The following LRP2 variants were observed in gnomAD, a reference collection of about 807,000 sequenced individuals.
LRP2 encodes LDL receptor related protein 2, also known as low-density lipoprotein receptor-related protein 2.
A neutral mutation model predicts 531.0 loss-of-function variants in LRP2; 172 were observed. The ratio of observed to expected loss-of-function variants is 0.32; its 90% CI spans 0.29 to 0.37. LRP2 has a LOEUF of 0.37. Among genes scored for constraint, LRP2 ranks in the 10% least tolerant of loss-of-function variants. The probability of loss-of-function intolerance (pLI) is 1.00; values close to 1 mark genes in which losing one functional copy is unlikely to be tolerated. For missense variants in LRP2, 5,167 were observed against 5,868.3 expected (o/e 0.88, Z 3.90); for synonymous variants, 1,992 against 2,027.6 (o/e 0.98, Z 0.47).
rs1453561351 is a variant in LRP2, at chr2:169,150,846, T to A, written c.12590+52A>T. On this transcript the variant is annotated intron_variant, in intron 68 of 78. Coordinates refer to ENST00000649046, the MANE Select transcript of LRP2 (RefSeq NM_004525.3). Reference sequence around the variant, plus strand: ...AAATTATAAGAAACATGGAATTTGATGAGAATCCAGGGAGAAATATCTAGA... The same window carrying A: ...AAATTATAAGAAACATGGAATTTGAAGAGAATCCAGGGAGAAATATCTAGA... 5 of 1,609,928 alleles carry A rather than the reference T, an allele frequency of 3.1e-6. No individual in the cohort carries two copies. The African/African-American group carries it at 6.7e-5, about 22-fold the overall frequency.
At chr2:169,231,334 AAG>A in intron 31 of LRP2, among the ~76,000 whole-genome samples, 1 of 151,918 alleles carries the variant, frequency 6.6e-6, no homozygotes, top group East Asian at 1.9e-4. Context: ...AGAAAAAAAA[AAG>A]AGGGAGAAAG....
intron 32 of LRP2, among the ~76,000 whole-genome samples, chr2:169,225,944 T>G (rs1689186012): frequency 6.6e-6 from 1 of 152,222 alleles, no homozygotes; most frequent in South Asian, 2.1e-4. Context: ...TTCTAAAGGA[T>G]TCTAAAGGAA....
At chr2:169,188,343 C>G (rs1687707361) in intron 48 of LRP2, 78 bp from the exon 49 acceptor site, 1 of 1,372,656 alleles carries the variant, frequency 7.3e-7, no homozygotes, top group Middle Eastern at 2.4e-4. Context: ...GGTTTTGCTT[C>G]CTTCTTTATC....
At position 169,128,590 on chromosome 2, in the gene LRP2, C is replaced by A. The variant is rs944206819; in HGVS notation, c.*73G>T. ...TTTTTCATAAAGTACTGAATGTTAACTTTTTTCATCTGTTTGTAAAAAATA... is the reference window on the plus strand; with the variant it reads ...TTTTTCATAAAGTACTGAATGTTAAATTTTTTCATCTGTTTGTAAAAAATA... On this transcript the variant is annotated 3_prime_UTR_variant, in exon 79 of 79. Transcript: ENST00000649046. The A allele has an allele frequency of 6.8e-6, 10 of 1,471,786 alleles. No homozygotes were observed. The highest frequency in any genetic ancestry group is 9.5e-6 in the Non-Finnish European group (10 of 1,052,814). The allele number at this position is 1,471,786 out of a possible 1,614,324, so 91.2% of individuals were successfully genotyped here.
chr2:169,214,409 C>T (rs1688704857), intron 35 of LRP2, among the ~76,000 whole-genome samples: 1 of 152,096 alleles, frequency 6.6e-6, no homozygotes, highest in African/African-American at 2.4e-5. Flanking sequence ...AATAAAGTCC[C>T]TAAGGGAAAA....
intron 3 of LRP2, among the ~76,000 whole-genome samples, chr2:169,310,756 G>A (rs1032091331): frequency 5.9e-5 from 9 of 152,266 alleles, no homozygotes; most frequent in African/African-American, 2.2e-4. Flanking sequence ...CTTTTGATTG[G>A]AAAAGTTTCA....
At chr2:169,164,277 A>C (rs1686697101) in intron 62 of LRP2, among the ~76,000 whole-genome samples, 1 of 152,218 alleles carries the variant, frequency 6.6e-6, no homozygotes. Context: ...TCTCCCAACC[A>C]AGAGGAACCA....
intron 49 of LRP2, among the ~76,000 whole-genome samples, chr2:169,187,715 G>A (rs1328352681): frequency 6.6e-6 from 1 of 152,208 alleles, no homozygotes; most frequent in Non-Finnish European, 1.5e-5. Context: ...TGGCAATAAT[G>A]TTAAATGATG....
chr2:169,205,866 C>T (rs1475090155), intron 40 of LRP2, among the ~76,000 whole-genome samples, 157 bp downstream of exon 40: 2 of 152,112 alleles, frequency 1.3e-5, no homozygotes, highest in Non-Finnish European at 2.9e-5. Flanking sequence ...CTGCACCCTC[C>T]TTCCCACGTA....
In LRP2 at chr2:169,212,157, G is replaced by T. The variant is rs1361256917; in HGVS notation, c.6091C>A (p.Gln2031Lys). 2 of 1,614,038 alleles carry T rather than the reference G, an allele frequency of 1.2e-6. No homozygotes were observed. ...GCSNNMNACQ[Q>K]ICLPVPGGLF... ...CCTCCTGGTACAGGCAGGCAAATCT[G>T]CTGACAGGCATTCATGTTGTTGCTA... The change falls in exon 37 of 79, where the codon CAG becomes AAG. Residue 2031 changes from glutamine to lysine, a missense_variant. Around this residue, in one of 6 missense-constraint regions of LRP2, gnomAD observed 2,811 missense variants for 3,058.0 expected, o/e 0.92. Coordinates refer to ENST00000649046, the MANE Select transcript of LRP2 (RefSeq NM_004525.3).
Position 169,168,018 on chromosome 2 carries a change from A to AAAATATAT in LRP2, c.11635+520_11635+521insATATATTT, listed in dbSNP as rs1553488719. ...AGACTCACAAACAAGCAGGGTTTAA[A>AAAATATAT]ATATATATATATATATATATATATA... On this transcript the variant is annotated intron_variant, in intron 61 of 78. Transcript: ENST00000649046. Among the ~76,000 whole-genome samples the AAAATATAT allele has an allele frequency of 4.4e-5, 3 of 68,186 alleles. 1 individual carries two copies. The highest frequency in any genetic ancestry group is 8.8e-5 in the Non-Finnish European group (3 of 34,044). 44.7% of individuals were successfully genotyped at this position (68,186 alleles called of 152,430 possible).
chr2:169,241,247 C>T lies in LRP2; in HGVS notation c.3786G>A (p.Glu1262=), dbSNP rs746719150. ...GHPDCLYGSD[E]HNACVPKTCP... ...AAGTCTTGGGGACACAGGCATTGTG[C>T]TCATCAGATCCATAGAGGCAGTCTG... The change falls in exon 25 of 79, where the codon GAG becomes GAA. Residue 1262 remains glutamate (E), a synonymous_variant. Coordinates refer to ENST00000649046, the MANE Select transcript of LRP2 (RefSeq NM_004525.3). The T allele has an allele frequency of 1.4e-5, 23 of 1,614,094 alleles. No individual in the cohort carries two copies. Among genetic ancestry groups the T allele is most frequent in the East Asian group, 2.2e-5 (1 of 44,900 alleles).
At position 169,168,690 on chromosome 2, in the gene LRP2, A is replaced by G. The variant is rs767170856; in HGVS notation, c.11498-14T>C. ...GAAAGCGTGTGGCTGCCATGGGGGA[A>G]AAAAACATATTCAAATTATTATACA... On this transcript the variant is annotated splice_polypyrimidine_tract_variant and intron_variant, in intron 60 of 78. Transcript: ENST00000649046. 2.5e-6 allele frequency: 4 copies of G among 1,592,914 alleles called. No homozygotes were observed. The highest frequency in any genetic ancestry group is 1.7e-5 in the Admixed American group (1 of 58,446).
chr2:169,172,052 T>C lies in LRP2; in HGVS notation c.11226A>G (p.Gln3742=), dbSNP rs1487087990. Residue 3742 remains glutamine (Q), a synonymous_variant, in exon 58 of 79, where the codon CAA becomes CAG. Transcript: ENST00000649046. ...CIPLRWQCDG[Q]NDCGDNSDEE... is the part of the protein sequence containing the mutation. Reference sequence around the variant, plus strand: ...CATCTGAGTTATCTCCACAGTCATTTTGCCCATCACACTGCCAACGAAGAG... The same window carrying C: ...CATCTGAGTTATCTCCACAGTCATTCTGCCCATCACACTGCCAACGAAGAG... The C allele has an allele frequency of 6.2e-7, 1 of 1,614,234 alleles. No individual in the cohort carries two copies.
intron 49 of LRP2, among the ~76,000 whole-genome samples, chr2:169,186,920 G>GA (rs1448805241): frequency 6.6e-6 from 1 of 152,172 alleles, no homozygotes; most frequent in African/African-American, 2.4e-5. Context: ...GTAAACATAA[G>GA]AAAGTTCCCT....
intron 26 of LRP2, among the ~76,000 whole-genome samples, chr2:169,239,114 G>C (rs1689712520): frequency 6.6e-6 from 1 of 152,084 alleles, no homozygotes; most frequent in Admixed American, 6.6e-5. Flanking sequence ...CCTCTATTTG[G>C]TCACTTTGAA....
intron 31 of LRP2, among the ~76,000 whole-genome samples, chr2:169,228,285 C>T (rs1022862029): frequency 6.8e-6 from 1 of 147,290 alleles, no homozygotes; most frequent in African/African-American, 2.5e-5. Context: ...AATTACCACT[C>T]ATTTCATTTG....
Position 169,146,819 on chromosome 2 carries a change from A to C in LRP2, c.12731T>G (p.Ile4244Ser). The C allele has an allele frequency of 6.2e-7, 1 of 1,614,178 alleles. No homozygotes were observed. The highest frequency in any genetic ancestry group is 8.5e-7 in the Non-Finnish European group (1 of 1,180,004). The change falls in exon 69 of 79, where the codon ATC becomes AGC. Residue 4244 changes from isoleucine to serine, a missense_variant. Coordinates refer to ENST00000649046, the MANE Select transcript of LRP2 (RefSeq NM_004525.3). ...LSIDYLNNDRIYWSDFKEDVI... is the reference protein window; with the variant it reads ...LSIDYLNNDRSYWSDFKEDVI... ...GTCCTCCTTGAAGTCACTCCAGTAG[A>C]TTCGGTCATTGTTCAAATAATCGAT...
At chr2:169,155,967 C>T (rs961800723) in intron 65 of LRP2, among the ~76,000 whole-genome samples, 2 of 152,124 alleles carry the variant, frequency 1.3e-5, no homozygotes, top group Non-Finnish European at 2.9e-5. Flanking sequence ...AGAAAGATGA[C>T]ATCTTGTCCA....
Sources: allele counts gnomAD v4.1 joint callset (sites outside exome capture counted in the v4.1 genomes callset), GRCh38; gene constraint gnomAD v4.1.1; regional missense constraint gnomAD v4.1.1; transcripts MANE v1.5; gene names NCBI Gene and HGNC (gene_info 2026-07-23, HGNC 2026-07-21).